Variants in DCC observed in about 807,000 individuals in gnomAD.
DCC encodes the protein netrin receptor DCC.
A neutral mutation model predicts 172.5 loss-of-function variants in DCC; 58 were observed. The ratio of observed to expected loss-of-function variants is 0.34; its 90% CI spans 0.27 to 0.42. The LOEUF (loss-of-function observed/expected upper bound fraction) is 0.42. DCC is among the 10% of genes least tolerant of loss of function. The pLI, the probability that DCC is intolerant of heterozygous loss-of-function variation, is 1.00. For synonymous variants in DCC, 709 were observed against 644.5 expected (o/e 1.10, Z -1.52); for missense variants, 1,740 against 1,791.0 (o/e 0.97, Z 0.51).
chr18:52,704,548 A>T (rs962507609), intron 1 of DCC, among the ~76,000 whole-genome samples: 111 of 152,308 alleles, frequency 7.3e-4, no homozygotes, highest in Non-Finnish European at 7.3e-5. Flanking sequence ...TGGTGATTGA[A>T]GGCTTCCACT....
chr18:53,432,016 A>C (rs1911650056), intron 21 of DCC, among the ~76,000 whole-genome samples: 1 of 152,178 alleles, frequency 6.6e-6, no homozygotes, highest in African/African-American at 2.4e-5. Context: ...TATGATATGC[A>C]AAAAAGTAAT....
At chr18:52,622,720 T>C (rs1479831663) in intron 1 of DCC, among the ~76,000 whole-genome samples, 18 of 152,220 alleles carry the variant, frequency 1.2e-4, no homozygotes. Context: ...ACAACTATTC[T>C]ATTAATAGAT....
chr18:53,445,059 A>T (rs912520812), intron 22 of DCC, among the ~76,000 whole-genome samples: 2 of 152,172 alleles, frequency 1.3e-5, no homozygotes, highest in African/African-American at 4.8e-5. Context: ...AAATTTTTTT[A>T]AAATAAATAT....
chr18:53,292,764 AG>A (rs1294965321), intron 12 of DCC, among the ~76,000 whole-genome samples: 43 of 152,364 alleles, frequency 2.8e-4, no homozygotes. Flanking sequence ...GAGAAGCAAA[AG>A]AACATTTCTC....
rs867441323 is a variant in DCC at position 53,447,899 on chromosome 18, C to A, written c.3230-2601C>A. 1.7e-4 allele frequency among the ~76,000 whole-genome samples: 26 copies of A among 152,110 alleles called. No homozygotes were observed. In the Middle Eastern group the frequency reaches 0.02, roughly 119 times the overall value. ...AAATTACTTCAAGGAAATCCTATTT[C>A]TTTCATTTGTAATCATAATTTTTTA... On this transcript the variant is annotated intron_variant, in intron 22 of 28. Transcript: ENST00000442544.
rs1357045591 is a variant in DCC at position 52,926,250 on chromosome 18, C to T, written c.985+880C>T. 2.0e-5 allele frequency among the ~76,000 whole-genome samples: 3 copies of T among 151,708 alleles called. 1 individual carries two copies. The highest frequency in any genetic ancestry group is 6.6e-5 in the Admixed American group (1 of 15,214). Reference sequence around the variant, plus strand: ...GCTGATTATATTTGCTAAGTTATACCATGATATTATTCCATCCATTTTGCT... The same window carrying T: ...GCTGATTATATTTGCTAAGTTATACTATGATATTATTCCATCCATTTTGCT... On this transcript the variant is annotated intron_variant, in intron 5 of 28. Coordinates refer to ENST00000442544, the MANE Select transcript of DCC (RefSeq NM_005215.4).
At chr18:52,684,198 T>G (rs2035792665) in intron 1 of DCC, among the ~76,000 whole-genome samples, 2 of 152,108 alleles carry the variant, frequency 1.3e-5, no homozygotes, top group African/African-American at 4.8e-5. Context: ...GAGGTTATAT[T>G]CTGTGGATAT....
At chr18:53,082,151 C>T (rs569794175) in intron 7 of DCC, among the ~76,000 whole-genome samples, 2 of 152,134 alleles carry the variant, frequency 1.3e-5, no homozygotes, top group African/African-American at 4.8e-5. Context: ...AAACTACCCT[C>T]GTCCTTATCA....
chr18:53,231,118 A>G (rs951483262), intron 12 of DCC, among the ~76,000 whole-genome samples: 1 of 151,984 alleles, frequency 6.6e-6, no homozygotes, highest in Non-Finnish European at 1.5e-5. Flanking sequence ...AGGGACACAC[A>G]ACAGGAGTCG....
intron 2 of DCC, among the ~76,000 whole-genome samples, chr18:52,797,529 T>C (rs142252569): frequency 4.1e-4 from 62 of 152,328 alleles, no homozygotes; most frequent in African/African-American, 1.4e-3. Flanking sequence ...GTCAGCGATA[T>C]CTGGAAGTAC....
chr18:53,347,121 T>C (rs114229564), intron 15 of DCC, among the ~76,000 whole-genome samples: 1 of 152,264 alleles, frequency 6.6e-6, no homozygotes, highest in African/African-American at 2.4e-5. Flanking sequence ...GTAAACTGTT[T>C]CCCTCATCCC....
In DCC at chr18:53,535,002, A is replaced by AG. The variant is rs574148164; in HGVS notation, c.*4353dup. On this transcript the variant is annotated 3_prime_UTR_variant, in exon 29 of 29. Transcript: ENST00000442544. ...AAACTCTGCAAGATTTAATAAACAC[A>AG]GGGGCATGGGCCAAGGGATCTCACT... 256 of 152,334 alleles carry AG rather than the reference A, an allele frequency of 1.7e-3. No individual in the cohort carries two copies. Among genetic ancestry groups the AG allele is most frequent in the African/African-American group, 5.9e-3 (247 of 41,574 alleles). 9.4% of individuals were successfully genotyped at this position (152,334 alleles called of 1,614,324 possible). A position where few individuals can be genotyped will look rare whatever the true frequency, so the allele number is the denominator to read the frequency against.
intron 1 of DCC, among the ~76,000 whole-genome samples, chr18:52,392,725 G>A (rs1986076603): frequency 6.6e-6 from 1 of 151,948 alleles, no homozygotes; most frequent in Non-Finnish European, 1.5e-5. Flanking sequence ...ATTTACTTTG[G>A]TGTGTTCCTG....
chr18:53,053,166 C>CA (rs1555701757), intron 5 of DCC, among the ~76,000 whole-genome samples: 1 of 151,912 alleles, frequency 6.6e-6, no homozygotes, highest in African/African-American at 2.4e-5. Flanking sequence ...AACAAACAAA[C>CA]AAACAAAACA....
At chr18:53,016,715 C>G (rs1354137180) in intron 5 of DCC, among the ~76,000 whole-genome samples, 1 of 152,046 alleles carries the variant, frequency 6.6e-6, no homozygotes, top group Non-Finnish European at 1.5e-5. Context: ...AGAGGAAATG[C>G]TACAGAATCA....
chr18:53,205,347 T>A lies in DCC; in HGVS notation c.1705T>A (p.Ser569Thr), dbSNP rs113366086. The A allele has an allele frequency of 5.0e-6, 8 of 1,613,926 alleles. No homozygotes were observed. The African/African-American group carries it at 9.3e-5, about 19-fold the overall frequency. The change falls in exon 10 of 29, where the codon TCC (serine) becomes ACC (threonine). Residue 569 changes from serine (S) to threonine (T), a missense_variant. This residue lies in a region of DCC where 1,732 missense variants were observed against 1,767.4 expected (regional missense o/e 0.98). Transcript: ENST00000442544. ...TTACAGATTGTTCTGCACTGAGGTG[T>A]CCACAGGAAAAGAACAGGTAGGTGA... ...QGYRLFCTEV[S>T]TGKEQNIEVD...
At chr18:52,858,520 A>C (rs2039087711) in intron 2 of DCC, among the ~76,000 whole-genome samples, 1 of 152,174 alleles carries the variant, frequency 6.6e-6, no homozygotes, top group Non-Finnish European at 1.5e-5. Flanking sequence ...GAGGCATACA[A>C]TTCTCCCAGG....
intron 5 of DCC, among the ~76,000 whole-genome samples, chr18:52,935,460 A>G (rs1328548138): frequency 1.3e-5 from 2 of 152,148 alleles, no homozygotes; most frequent in African/African-American, 4.8e-5. Flanking sequence ...TCAATTTACT[A>G]CAAACAAGCA....
chr18:53,333,071 A>C (rs901312735), intron 14 of DCC, among the ~76,000 whole-genome samples: 3 of 109,096 alleles, frequency 2.7e-5, no homozygotes, highest in African/African-American at 1.2e-4. Context: ...ACCTGTCTCA[A>C]AAAAAAAAAA....
Sources: gnomAD v4.1 joint callset for allele counts (sites outside exome capture counted in the v4.1 genomes callset) on GRCh38, gnomAD v4.1.1 for gene constraint, gnomAD v4.1.1 regional missense constraint, MANE v1.5 for transcripts, NCBI Gene and HGNC (gene_info 2026-07-23, HGNC 2026-07-21) for gene names.